CREB5: variants seen among roughly 807,000 people sequenced by gnomAD.
CREB5 encodes cAMP responsive element binding protein 5.
CREB5 carries 19 observed loss-of-function variants against 57.1 expected under a neutral mutation model. That is an observed-to-expected ratio of 0.33 (90% CI 0.23 to 0.49). CREB5 has a LOEUF of 0.49. Among genes scored for constraint, CREB5 ranks in the 20% least tolerant of loss-of-function variants. CREB5 has a pLI of 0.99. For synonymous variants in CREB5, 238 were observed against 238.3 expected (o/e 1.00, Z 0.01); for missense variants, 579 against 671.6 (o/e 0.86, Z 1.52).
At chr7:28,399,781 C>T (rs866211896) in intron 1 of CREB5, among the ~76,000 whole-genome samples, 1 of 152,014 alleles carries the variant, frequency 6.6e-6, no homozygotes, top group Admixed American at 6.6e-5. Flanking sequence ...TACAGCTGGG[C>T]GTGGTGGCTC....
chr7:28,707,220 T>C (rs572249724), intron 5 of CREB5, among the ~76,000 whole-genome samples: 3 of 152,350 alleles, frequency 2.0e-5, no homozygotes, highest in African/African-American at 7.2e-5. Flanking sequence ...TTACTTTGTG[T>C]TTTAAAATGA....
chr7:28,514,599 G>A (rs1317730963), intron 4 of CREB5, among the ~76,000 whole-genome samples: 1 of 152,148 alleles, frequency 6.6e-6, no homozygotes, highest in African/African-American at 2.4e-5. Flanking sequence ...ATTTCACCGT[G>A]TTAGTCAGGA....
chr7:28,653,476 C>T (rs1268866773), intron 5 of CREB5, among the ~76,000 whole-genome samples: 1 of 152,138 alleles, frequency 6.6e-6, no homozygotes, highest in African/African-American at 2.4e-5. Context: ...TTAGAAGTAG[C>T]TATTTCCATG....
In CREB5 at chr7:28,766,981, G is replaced by A. The variant is rs994265489; in HGVS notation, c.703-37218G>A. Among the ~76,000 whole-genome samples the A allele has an allele frequency of 1.6e-4, 24 of 152,268 alleles. No individual in the cohort carries two copies. In the South Asian group the frequency reaches 2.7e-3, roughly 17 times the overall value. ...CTCCAGTTCAAACACAGAATTGGAC[G>A]CTAAACATTATTTCTATACTGATGT... is the stretch of plus-strand genomic sequence containing the variant. On this transcript the variant is annotated intron_variant, in intron 7 of 10. Coordinates refer to ENST00000357727, the MANE Select transcript of CREB5 (RefSeq NM_182898.4).
At chr7:28,433,335 G>C (rs184938732) in intron 1 of CREB5, among the ~76,000 whole-genome samples, 49 of 152,246 alleles carry the variant, frequency 3.2e-4, no homozygotes, top group Admixed American at 3.0e-3. Flanking sequence ...AGAAATAGTT[G>C]CCAGTTGATT....
chr7:28,618,264 G>A (rs1480443842), intron 5 of CREB5, among the ~76,000 whole-genome samples: 1 of 146,526 alleles, frequency 6.8e-6, no homozygotes, highest in African/African-American at 2.8e-5. Flanking sequence ...GTCCCTGTGT[G>A]TGCCACTGGG....
At chr7:28,303,249 C>A (rs1044166885) in intron 1 of CREB5, among the ~76,000 whole-genome samples, 1 of 151,938 alleles carries the variant, frequency 6.6e-6, no homozygotes, top group Non-Finnish European at 1.5e-5. Context: ...TGGGTAAGTG[C>A]GATTGGTTCT....
At chr7:28,300,639 A>G (rs765768101) in intron 1 of CREB5, among the ~76,000 whole-genome samples, 6 of 152,204 alleles carry the variant, frequency 3.9e-5, no homozygotes, top group Non-Finnish European at 4.4e-5. Context: ...TTTTGAAACC[A>G]TGGATAGTCT....
intron 5 of CREB5, among the ~76,000 whole-genome samples, chr7:28,622,416 T>G (rs2128686649): frequency 6.6e-6 from 1 of 152,216 alleles, no homozygotes; most frequent in Non-Finnish European, 1.5e-5. Context: ...GGCAGCTATT[T>G]ACAAGACTAT....
chr7:28,430,526 C>T (rs1227004748), intron 1 of CREB5, among the ~76,000 whole-genome samples: 5 of 152,112 alleles, frequency 3.3e-5, no homozygotes, highest in East Asian at 3.9e-4. Flanking sequence ...AAATTATGAG[C>T]GGCCGTTATG....
chr7:28,488,187 T>G lies in CREB5; in HGVS notation c.16T>G (p.Ser6Ala), dbSNP rs1364059421. The G allele has an allele frequency of 6.2e-7, 1 of 1,613,788 alleles. No homozygotes were observed. The highest frequency in any genetic ancestry group is 8.5e-7 in the Non-Finnish European group (1 of 1,179,864). Residue 6 changes from serine (S) to alanine (A), a missense_variant, in exon 2 of 11, where the codon TCC becomes GCC. This residue lies in a region of CREB5 where 459 missense variants were observed against 515.7 expected (regional missense o/e 0.89). Coordinates refer to ENST00000357727, the MANE Select transcript of CREB5 (RefSeq NM_182898.4). The stretch of plus-strand genomic sequence containing the variant: ...TCTGATCCTTCAGATTTATGAGGAA[T>G]CCAAGATGAATTTGGAGCAGGAGAG... MIYEESKMNLEQERPF... is the reference protein window; with the variant it reads MIYEEAKMNLEQERPF...
chr7:28,736,525 C>T (rs1008253465), intron 7 of CREB5, among the ~76,000 whole-genome samples: 2 of 152,176 alleles, frequency 1.3e-5, no homozygotes, highest in African/African-American at 2.4e-5. Context: ...ATCCCACTCT[C>T]CTATGAGGTG....
intron 1 of CREB5, among the ~76,000 whole-genome samples, chr7:28,330,932 A>G (rs1785704609): frequency 6.6e-6 from 1 of 152,150 alleles, no homozygotes; most frequent in Non-Finnish European, 1.5e-5. Flanking sequence ...TATCTCATGA[A>G]AATCCTCATC....
chr7:28,671,264 A>C (rs1800028083), intron 5 of CREB5, among the ~76,000 whole-genome samples: 2 of 151,370 alleles, frequency 1.3e-5, no homozygotes, highest in Admixed American at 1.3e-4. Flanking sequence ...TCAAAAAGAA[A>C]AAAAAAAAAA....
At chr7:28,707,089 A>G (rs1034063496) in intron 5 of CREB5, among the ~76,000 whole-genome samples, 3 of 152,116 alleles carry the variant, frequency 2.0e-5, no homozygotes, top group Non-Finnish European at 4.4e-5. Context: ...CCCTGAGAAG[A>G]GGATGGGGGA....
intron 5 of CREB5, among the ~76,000 whole-genome samples, chr7:28,611,489 TAAA>T (rs59192497): frequency 8.3e-5 from 4 of 47,978 alleles, no homozygotes; most frequent in Non-Finnish European, 1.4e-4. Context: ...CCATCTCTAC[TAAA>T]AAAAAAAAAA....
At chr7:28,747,821 C>T (rs1016757428) in intron 7 of CREB5, among the ~76,000 whole-genome samples, 2 of 152,214 alleles carry the variant, frequency 1.3e-5, no homozygotes, top group African/African-American at 2.4e-5. Flanking sequence ...TGAAAAACAG[C>T]CTTTGTTTAC....
intron 3 of CREB5, among the ~76,000 whole-genome samples, chr7:28,506,490 T>C (rs1034510494): frequency 6.6e-6 from 1 of 152,190 alleles, no homozygotes; most frequent in Non-Finnish European, 1.5e-5. Flanking sequence ...GAATAATACA[T>C]GTACACAGTG....
intron 4 of CREB5, among the ~76,000 whole-genome samples, chr7:28,529,719 C>G (rs1793639696): frequency 6.6e-6 from 1 of 152,178 alleles, no homozygotes. Context: ...TTCTTCCCAC[C>G]CAAATGTGGG....
Sources: allele counts gnomAD v4.1 joint callset (sites outside exome capture counted in the v4.1 genomes callset), GRCh38; gene constraint gnomAD v4.1.1; regional missense constraint gnomAD v4.1.1; transcripts MANE v1.5; gene names NCBI Gene and HGNC (gene_info 2026-07-23, HGNC 2026-07-21).